The following DNAH12 variants were observed in gnomAD, a reference collection of about 807,000 sequenced individuals.
The protein encoded by DNAH12 is dynein axonemal heavy chain 12.
Under a neutral mutation model 371.5 loss-of-function variants are expected in DNAH12, and 285 were observed. That is an observed-to-expected ratio of 0.77 (90% CI 0.70 to 0.85). The LOEUF is 0.85. Among genes scored for constraint, DNAH12 ranks in the 40% least tolerant of loss-of-function variants. The pLI, the probability that DNAH12 is intolerant of heterozygous loss-of-function variation, is 0.00. For missense variants in DNAH12, 3,611 were observed against 3,689.4 expected (o/e 0.98, Z 0.55); for synonymous variants, 1,200 against 1,213.0 (o/e 0.99, Z 0.22).
chr3:57,380,633 T>C (rs2063369649), intron 50 of DNAH12, among the ~76,000 whole-genome samples: 2 of 152,114 alleles, frequency 1.3e-5, no homozygotes, highest in African/African-American at 4.8e-5. Context: ...CCTGGTTAAT[T>C]ATTGTATTTT....
chr3:57,338,398 CCA>C, intron 60 of DNAH12, among the ~76,000 whole-genome samples: 1 of 152,032 alleles, frequency 6.6e-6, no homozygotes, highest in Middle Eastern at 3.5e-3. Context: ...TGCCCGGCCG[CCA>C]CACTGTCTAG....
At chr3:57,543,380 TG>T (rs1232672350) in intron 1 of DNAH12, among the ~76,000 whole-genome samples, 1 of 130,080 alleles carries the variant, frequency 7.7e-6, no homozygotes, top group Non-Finnish European at 1.5e-5. Flanking sequence ...TGGAGTGCAA[TG>T]GCGCGATCTT....
intron 16 of DNAH12, among the ~76,000 whole-genome samples, chr3:57,470,233 C>T (rs563975425): frequency 1.3e-5 from 2 of 152,174 alleles, no homozygotes; most frequent in East Asian, 1.9e-4. Context: ...TCATTATGCT[C>T]ATAAACCAGA....
upstream of DNAH12, among the ~76,000 whole-genome samples, chr3:57,546,392 T>C (rs1024647285): frequency 1.1e-4 from 16 of 152,168 alleles, no homozygotes; most frequent in South Asian, 2.1e-4. Context: ...TCTTGGTGCA[T>C]TGCTGAGACT....
At position 57,462,591 on chromosome 3, in the gene DNAH12, C is replaced by T. The variant is rs149001670; in HGVS notation, c.2535+99G>A. The T allele has an allele frequency of 1.8e-4, 250 of 1,369,454 alleles. 1 individual carries two copies. In the East Asian group the frequency reaches 6.0e-3, roughly 33 times the overall value. 84.8% of individuals were successfully genotyped at this position (1,369,454 alleles called of 1,614,324 possible). On this transcript the variant is annotated intron_variant, in intron 18 of 73. Coordinates refer to ENST00000495027, the MANE Select transcript of DNAH12 (RefSeq NM_001366028.2). The stretch of plus-strand genomic sequence containing the variant: ...TATCACTCTCCCCCATCACCTCCCG[C>T]GCTATCCAGTACTATACACATTCAA...
At chr3:57,338,598 G>A (rs548075920) in intron 60 of DNAH12, among the ~76,000 whole-genome samples, 46 of 145,938 alleles carry the variant, frequency 3.2e-4, no homozygotes, top group African/African-American at 5.6e-4. Context: ...CCACCACCCC[G>A]TCTGGGATGT....
Position 57,323,499 on chromosome 3 carries a change from C to T in DNAH12, c.10099G>A (p.Val3367Ile), listed in dbSNP as rs200703588. 166 of 1,549,950 alleles carry T rather than the reference C, an allele frequency of 1.1e-4. No individual in the cohort carries two copies. Among genetic ancestry groups the T allele is most frequent in the Non-Finnish European group, 1.3e-4 (148 of 1,146,558 alleles). ...ATAGGATCTGCTCCTGGAGATAGAA[C>T]AAAAATTAAGGGAATGGTGCAATTT... ...DSNCTIPLIF[V>I]LSPGADPMAS... The change falls in exon 63 of 74, where the codon GTT (valine) becomes ATT (isoleucine). Residue 3367 changes from valine to isoleucine, a missense_variant. Val to Ile is a conservative substitution (Grantham distance 29). This residue lies in a region of DNAH12 where 2,266 missense variants were observed against 2,236.9 expected (regional missense o/e 1.01). Transcript: ENST00000495027.
intron 36 of DNAH12, among the ~76,000 whole-genome samples, chr3:57,420,605 G>A (rs914677321): frequency 6.6e-6 from 1 of 151,670 alleles, no homozygotes; most frequent in African/African-American, 2.4e-5. Context: ...ATTTATTTTC[G>A]ATTCTTAAAG....
intron 69 of DNAH12, among the ~76,000 whole-genome samples, chr3:57,307,176 C>G (rs2061489932): frequency 6.6e-6 from 1 of 152,114 alleles, no homozygotes; most frequent in Non-Finnish European, 1.5e-5. Flanking sequence ...TCTCTCAAAC[C>G]CCAGCACCTA....
intron 66 of DNAH12, among the ~76,000 whole-genome samples, chr3:57,312,770 A>G (rs1385643666): frequency 6.6e-6 from 1 of 152,252 alleles, no homozygotes; most frequent in African/African-American, 2.4e-5. Flanking sequence ...ACGTCATTTC[A>G]TCATGCAGTT....
At position 57,462,664 on chromosome 3, in the gene DNAH12, G is replaced by A. The variant is rs374458645; in HGVS notation, c.2535+26C>T. On this transcript the variant is annotated intron_variant, in intron 18 of 73. Transcript: ENST00000495027. ...TTGATTAACGAAGTCATCACATAAA[G>A]TATTTCAGTTGATCTTTATGTTTAC... 37 of 1,540,004 alleles carry A rather than the reference G, an allele frequency of 2.4e-5. No individual in the cohort carries two copies. The African/African-American group carries it at 4.3e-4, about 18-fold the overall frequency.
intron 12 of DNAH12, among the ~76,000 whole-genome samples, chr3:57,487,983 A>C (rs546005813): frequency 6.6e-6 from 1 of 151,992 alleles, no homozygotes; most frequent in East Asian, 1.9e-4. Flanking sequence ...CTAATACTTT[A>C]CCCTCTTTGA....
At chr3:57,387,598 C>T (rs979640644) in intron 45 of DNAH12, among the ~76,000 whole-genome samples, 55 of 152,108 alleles carry the variant, frequency 3.6e-4, no homozygotes, top group Non-Finnish European at 4.6e-4. Context: ...CTTAGGACTC[C>T]AATTTTATTC....
intron 60 of DNAH12, among the ~76,000 whole-genome samples, chr3:57,351,554 T>A (rs1358419119): frequency 1.3e-5 from 2 of 152,176 alleles, no homozygotes; most frequent in African/African-American, 4.8e-5. Context: ...AATGTATTCT[T>A]ATAATGGAAT....
intron 72 of DNAH12, 58 bp from the exon 73 acceptor site, chr3:57,295,650 C>G: frequency 7.1e-7 from 1 of 1,408,262 alleles, no homozygotes; most frequent in Non-Finnish European, 9.6e-7. Context: ...CTTCTGAGAA[C>G]AGATTGCTAC....
intron 18 of DNAH12, 137 bp from the exon 19 acceptor site, chr3:57,461,826 TA>T (rs1268803855): frequency 1.4e-6 from 1 of 703,622 alleles, no homozygotes; most frequent in Admixed American, 3.0e-5. Context: ...GAGTACAGTA[TA>T]ACTTTTTAAG....
chr3:57,313,186 A>C (rs1167773169), intron 66 of DNAH12, among the ~76,000 whole-genome samples: 1 of 152,166 alleles, frequency 6.6e-6, no homozygotes, highest in Non-Finnish European at 1.5e-5. Flanking sequence ...GGGCTTGGCT[A>C]CTCAGATGCG....
intron 41 of DNAH12, 63 bp from the exon 42 acceptor site, chr3:57,405,210 A>G: frequency 2.1e-6 from 3 of 1,415,640 alleles, no homozygotes; most frequent in Middle Eastern, 2.5e-4. Flanking sequence ...TTAAGAAAAC[A>G]AAATTTTTGT....
chr3:57,315,502 C>T lies in DNAH12; in HGVS notation c.10525-871G>A, dbSNP rs557663425. 9.9e-5 allele frequency among the ~76,000 whole-genome samples: 15 copies of T among 151,402 alleles called. No individual in the cohort carries two copies. In the East Asian group the frequency reaches 2.7e-3, roughly 27 times the overall value. ...TGATCTAATTTACATGTATTTTCTA[C>T]ATATTTTTAAATAGTGGGTTTTCTT... On this transcript the variant is annotated intron_variant, in intron 65 of 73. Transcript: ENST00000495027.
Sources: allele counts gnomAD v4.1 joint callset (sites outside exome capture counted in the v4.1 genomes callset), GRCh38; gene constraint gnomAD v4.1.1; regional missense constraint gnomAD v4.1.1; transcripts MANE v1.5; gene names NCBI Gene and HGNC (gene_info 2026-07-23, HGNC 2026-07-21).